The following C12orf42 variants were observed in gnomAD, a reference collection of about 807,000 sequenced individuals.
C12orf42 encodes the protein chromosome 12 open reading frame 42.
C12orf42 carries 25 observed loss-of-function variants against 21.6 expected under a neutral mutation model. That is an observed-to-expected ratio of 1.16 (90% CI 0.84 to 1.62). The LOEUF is 1.62. Among genes scored for constraint, C12orf42 ranks in the 40% most tolerant of loss-of-function variants. C12orf42 has a pLI of 0.00. For missense variants in C12orf42, 483 were observed against 459.3 expected (o/e 1.05, Z -0.47); for synonymous variants, 174 against 175.0 (o/e 0.99, Z 0.05).
At chr12:103,530,199 TA>T in the C12orf42 span, among the ~76,000 whole-genome samples, 5 of 152,146 alleles carry the variant, frequency 3.3e-5, no homozygotes, top group East Asian at 9.7e-4. Flanking sequence ...TGCCAGAAAA[TA>T]AAAGTTATCA....
chr12:103,551,421 A>G, the C12orf42 span, among the ~76,000 whole-genome samples: 1 of 152,296 alleles, frequency 6.6e-6, no homozygotes, highest in East Asian at 1.9e-4. Context: ...GAAGGCTGAG[A>G]CAGTAGAACT....
chr12:103,316,116 TAC>T (rs150989368), intron 4 of C12orf42, among the ~76,000 whole-genome samples: 4,915 of 150,048 alleles, frequency 0.033, 105 homozygotes, highest in Non-Finnish European at 0.038. Context: ...AGTATATATA[TAC>T]ACACACACAC....
chr12:103,140,652 T>TA, the C12orf42 span, among the ~76,000 whole-genome samples: 1 of 151,948 alleles, frequency 6.6e-6, no homozygotes, highest in Non-Finnish European at 1.5e-5. Context: ...CTGCCTTACT[T>TA]ACAAGACAAA....
the C12orf42 span, among the ~76,000 whole-genome samples, chr12:103,217,717 G>T: frequency 0.084 from 12,811 of 152,028 alleles, 623 homozygotes; most frequent in East Asian, 0.21. Context: ...AGCTTAGTGT[G>T]CAGTGAAATG....
chr12:103,143,312 G>C, the C12orf42 span, among the ~76,000 whole-genome samples: 151 of 152,214 alleles, frequency 9.9e-4, no homozygotes, highest in Non-Finnish European at 1.6e-4. Flanking sequence ...TGGAAAATTA[G>C]TGGGTAGAAG....
At chr12:103,505,762 T>C in the C12orf42 span, 22 of 206,660 alleles carry the variant, frequency 1.1e-4, no homozygotes, top group South Asian at 1.6e-3. Context: ...ACACAGCTGA[T>C]CACGTGATGG....
At chr12:103,261,111 A>T (rs1832791907) in intron 10 of C12orf42, among the ~76,000 whole-genome samples, 1 of 152,076 alleles carries the variant, frequency 6.6e-6, no homozygotes, top group South Asian at 2.1e-4. Context: ...GGGTCTCTTT[A>T]TGAGATTAAA....
rs1555237062 is a variant in C12orf42, at chr12:103,250,088, T to TATCTATC, written c.*1367-12193_*1367-12187dup. Among the ~76,000 whole-genome samples, 871 of 151,580 alleles carry TATCTATC rather than the reference T, an allele frequency of 5.7e-3. 16 individuals are homozygous for TATCTATC. Among genetic ancestry groups the TATCTATC allele is most frequent in the East Asian group, 0.05 (258 of 5,152 alleles). On this transcript the variant is annotated intron_variant and NMD_transcript_variant, in intron 10 of 10. Transcript: ENST00000547347. ...CTATCTATCTATCTATCTATCTATC[T>TATCTATC]ATCTATCTATCTATCTATGTTTGAT...
the C12orf42 span, among the ~76,000 whole-genome samples, chr12:103,514,855 A>G: frequency 0.016 from 2,370 of 152,304 alleles, 68 homozygotes; most frequent in African/African-American, 0.054. Flanking sequence ...GTTCAAGACG[A>G]TAGCACACAA....
chr12:103,292,384 T>C (rs2036880983), intron 4 of C12orf42, among the ~76,000 whole-genome samples: 1 of 152,022 alleles, frequency 6.6e-6, no homozygotes, highest in East Asian at 1.9e-4. Flanking sequence ...ATATGATATA[T>C]AAATATGTCT....
the C12orf42 span, among the ~76,000 whole-genome samples, chr12:103,501,347 G>T: frequency 6.6e-6 from 1 of 152,244 alleles, no homozygotes; most frequent in Non-Finnish European, 1.5e-5. Context: ...GGAGATAAAA[G>T]TGTGCCGTTC....
intron 2 of C12orf42, among the ~76,000 whole-genome samples, chr12:103,453,797 G>C (rs1181885764): frequency 1.3e-5 from 2 of 151,908 alleles, no homozygotes; most frequent in Non-Finnish European, 2.9e-5. Flanking sequence ...CAGATTTCCT[G>C]TTAAATTACT....
chr12:103,467,277 C>A (rs1036661099), intron 2 of C12orf42, among the ~76,000 whole-genome samples: 1 of 152,166 alleles, frequency 6.6e-6, no homozygotes, highest in Non-Finnish European at 1.5e-5. Context: ...CTAATCATTA[C>A]ATAACCATTG....
intron 5 of C12orf42, among the ~76,000 whole-genome samples, chr12:103,271,907 T>C (rs1003232294): frequency 1.3e-5 from 2 of 152,182 alleles, no homozygotes; most frequent in Admixed American, 1.3e-4. Context: ...AATGTATCAC[T>C]CCAACTGCTA....
chr12:103,131,755 T>C, the C12orf42 span, among the ~76,000 whole-genome samples: 1 of 152,176 alleles, frequency 6.6e-6, no homozygotes, highest in South Asian at 2.1e-4. Context: ...AATATTGTTC[T>C]TGATGGTGGG....
At chr12:103,141,449 T>C in the C12orf42 span, among the ~76,000 whole-genome samples, 2 of 152,028 alleles carry the variant, frequency 1.3e-5, no homozygotes, top group African/African-American at 4.8e-5. Flanking sequence ...AGAAGCCGAA[T>C]GATATAAGCA....
intron 4 of C12orf42, among the ~76,000 whole-genome samples, chr12:103,296,312 C>T (rs908001994): frequency 2.0e-4 from 31 of 151,890 alleles, no homozygotes; most frequent in Non-Finnish European, 2.1e-4. Context: ...TGAATAGTGC[C>T]ACAATACACA....
rs3065869 is a variant in C12orf42 at position 103,491,959 on chromosome 12, T to TTTGTTTG, written c.-22+3942_-22+3943insCAAACAA. On this transcript the variant is annotated intron_variant, in intron 1 of 5. Transcript: ENST00000548883. The stretch of plus-strand genomic sequence containing the variant: ...CTCCTTGTTTTCAATTTTGTTTTTT[T>TTTGTTTG]TTTGTTTGTTTGTTTAAGATAGAGT... Among the ~76,000 whole-genome samples the TTTGTTTG allele has an allele frequency of 1.8e-3, 278 of 151,620 alleles. 1 individual carries two copies. The highest frequency in any genetic ancestry group is 3.4e-3 in the Non-Finnish European group (231 of 67,852).
chr12:103,185,284 G>A, the C12orf42 span, among the ~76,000 whole-genome samples: 5 of 152,290 alleles, frequency 3.3e-5, no homozygotes, highest in East Asian at 7.7e-4. Context: ...CTTGGGCTAA[G>A]CTAGCTTCCA....
Sources: allele counts gnomAD v4.1 joint callset (sites outside exome capture counted in the v4.1 genomes callset), GRCh38; gene constraint gnomAD v4.1.1; transcripts MANE v1.5; gene names NCBI Gene and HGNC (gene_info 2026-07-23, HGNC 2026-07-21).